The following FAM124A variants were observed in gnomAD, a reference collection of about 807,000 sequenced individuals.
The protein encoded by FAM124A is family with sequence similarity 124 member A.
In FAM124A, 23 loss-of-function variants were observed where a neutral mutation model predicts 24.5. The observed-to-expected ratio is 0.94, with a 90% CI of 0.68 to 1.33. The LOEUF (loss-of-function observed/expected upper bound fraction) is 1.33. Among genes scored for constraint, FAM124A ranks in the 40% most tolerant of loss-of-function variants. FAM124A has a pLI of 0.00. For missense variants in FAM124A, 623 were observed against 722.8 expected (o/e 0.86, Z 1.58); for synonymous variants, 287 against 314.7 (o/e 0.91, Z 0.93).
intron 2 of FAM124A, among the ~76,000 whole-genome samples, chr13:51,236,130 A>G (rs1009941928): frequency 5.3e-5 from 8 of 152,196 alleles, no homozygotes; most frequent in Non-Finnish European, 7.3e-5. Flanking sequence ...AGCAGCCCCA[A>G]CTAGGCACAG....
chr13:51,256,244 A>C (rs944652545), intron 3 of FAM124A, among the ~76,000 whole-genome samples: 2 of 152,204 alleles, frequency 1.3e-5, no homozygotes, highest in Admixed American at 1.3e-4. Context: ...TTTAGGCTGG[A>C]AAATTGTGAG....
At chr13:51,229,265 T>C (rs1393770677) in intron 1 of FAM124A, among the ~76,000 whole-genome samples, 1 of 152,182 alleles carries the variant, frequency 6.6e-6, no homozygotes, top group Non-Finnish European at 1.5e-5. Context: ...AGAGACATGA[T>C]CAGATTTATC....
rs77586000 is a variant in FAM124A at position 51,249,239 on chromosome 13, C to G, written c.101-2229C>G. Reference sequence around the variant, plus strand: ...TTCATTTGGTGCCTCCTCCAGGAAGCCTTCTGCAGAGCCCTCCTTCTTTTG... The same window carrying G: ...TTCATTTGGTGCCTCCTCCAGGAAGGCTTCTGCAGAGCCCTCCTTCTTTTG... On this transcript the variant is annotated intron_variant, in intron 2 of 3. Coordinates refer to ENST00000322475, the MANE Select transcript of FAM124A (RefSeq NM_001242312.2). Among the ~76,000 whole-genome samples, 583 of 152,314 alleles carry G rather than the reference C, an allele frequency of 3.8e-3. 2 individuals are homozygous for G. The highest frequency in any genetic ancestry group is 0.013 in the African/African-American group (558 of 41,566).
chr13:51,230,484 G>A (rs1954362913), intron 1 of FAM124A, among the ~76,000 whole-genome samples: 2 of 152,176 alleles, frequency 1.3e-5, no homozygotes, highest in South Asian at 4.1e-4. Context: ...TAACTTCCAT[G>A]GCAGAATAAA....
chr13:51,236,115 C>G (rs900010759), intron 2 of FAM124A, among the ~76,000 whole-genome samples: 2 of 152,188 alleles, frequency 1.3e-5, no homozygotes. Context: ...CTGAACTGCC[C>G]TCGAAGCAGC....
chr13:51,226,179 A>G (rs1954314588), intron 1 of FAM124A, among the ~76,000 whole-genome samples: 1 of 150,426 alleles, frequency 6.6e-6, no homozygotes, highest in Admixed American at 6.6e-5. Context: ...TTTTATTTTT[A>G]TAAACACAAG....
Position 51,280,918 on chromosome 13 carries a change from A to C in FAM124A, c.1303A>C (p.Ser435Arg). ...LSVVSAYSAP[S>R]RFCSTVETPL... is the part of the protein sequence containing the mutation. ...TGTGGTCTCTGCATATTCTGCACCC[A>C]GTAGGTTCTGCAGCACAGTGGAGAC... The change falls in exon 4 of 4, where the codon AGT becomes CGT. Residue 435 changes from serine to arginine, a missense_variant. Ser to Arg is a moderately radical substitution (Grantham distance 110, BLOSUM62 -1). Transcript: ENST00000322475. The C allele has an allele frequency of 6.2e-7, 1 of 1,614,098 alleles. No homozygotes were observed. Among genetic ancestry groups the C allele is most frequent in the Non-Finnish European group, 8.5e-7 (1 of 1,179,994 alleles).
At chr13:51,243,803 T>C (rs1954527827) in intron 2 of FAM124A, among the ~76,000 whole-genome samples, 1 of 152,200 alleles carries the variant, frequency 6.6e-6, no homozygotes, top group Admixed American at 6.5e-5. Context: ...CCGAAAATGC[T>C]GGGATTACAG....
At chr13:51,277,786 C>G (rs185627107) in intron 3 of FAM124A, among the ~76,000 whole-genome samples, 1 of 104,036 alleles carries the variant, frequency 9.6e-6, no homozygotes, top group East Asian at 2.8e-4. Context: ...GAGCGAGACT[C>G]TGTCTCAAAA....
chr13:51,223,445 T>C lies in FAM124A; in HGVS notation c.68+876T>C, dbSNP rs530536186. ...CAGGAGGAAAGGGTGTTTTTTCCTA[T>C]CTGGAGTAATCCTGGGGGAGGGCGG... On this transcript the variant is annotated intron_variant, in intron 1 of 3. Coordinates refer to ENST00000322475, the MANE Select transcript of FAM124A (RefSeq NM_001242312.2). 4.6e-5 allele frequency among the ~76,000 whole-genome samples: 7 copies of C among 152,240 alleles called. No individual in the cohort carries two copies. In the South Asian group the frequency reaches 1.5e-3, roughly 32 times the overall value.
chr13:51,276,633 T>C (rs1431098903), intron 3 of FAM124A, among the ~76,000 whole-genome samples: 1 of 152,164 alleles, frequency 6.6e-6, no homozygotes, highest in African/African-American at 2.4e-5. Context: ...GCTTTGCCCA[T>C]GGCCAGCATC....
intron 2 of FAM124A, among the ~76,000 whole-genome samples, chr13:51,242,614 C>G (rs1002028448): frequency 3.9e-5 from 6 of 152,050 alleles, no homozygotes; most frequent in Non-Finnish European, 5.9e-5. Context: ...GCTTTTGCTC[C>G]CCCTCCTTTT....
rs768031214 is a variant in FAM124A at position 51,280,414 on chromosome 13, A to G, written c.835-36A>G. On this transcript the variant is annotated intron_variant, in intron 3 of 3. Transcript: ENST00000322475. ...TTTCCTGATGCATTTAACAATTCCC[A>G]TCCTGCACTAATGTGATCTGCCTCT... 9 of 1,518,712 alleles carry G rather than the reference A, an allele frequency of 5.9e-6. No individual in the cohort carries two copies. In the Admixed American group the frequency reaches 8.2e-5, roughly 14 times the overall value. The allele number at this position is 1,518,712 out of a possible 1,614,324, so 94.1% of individuals were successfully genotyped here.
chr13:51,254,770 AT>A (rs1954658669), intron 3 of FAM124A, among the ~76,000 whole-genome samples: 1 of 152,180 alleles, frequency 6.6e-6, no homozygotes, highest in Non-Finnish European at 1.5e-5. Context: ...ATCTTTCCGG[AT>A]CCCCCATAGA....
chr13:51,242,955 C>T (rs1054098659), intron 2 of FAM124A, among the ~76,000 whole-genome samples: 29 of 152,182 alleles, frequency 1.9e-4, no homozygotes, highest in Non-Finnish European at 5.9e-5. Flanking sequence ...TATTGTACTC[C>T]TCTGCCAAAT....
At position 51,251,884 on chromosome 13, in the gene FAM124A, C is replaced by A. The variant is rs541072385; in HGVS notation, c.517C>A (p.Arg173Ser). The change falls in exon 3 of 4, where the codon CGC (arginine) becomes AGC (serine). Residue 173 changes from arginine (R) to serine (S), a missense_variant. Physicochemically the swap from Arg to Ser is moderately radical, Grantham distance 110. Transcript: ENST00000322475. This position sits in a 1 kb window ranked among gnomAD's most constrained non-coding sequence, Gnocchi z 5.3. ...RPVHYGKEIV[R>S]FTVYCRYDNY... The stretch of plus-strand genomic sequence containing the variant: ...CGTGCACTACGGCAAGGAAATCGTG[C>A]GCTTCACCGTCTACTGTCGCTACGA... 3 of 1,613,978 alleles carry A rather than the reference C, an allele frequency of 1.9e-6. No individual in the cohort carries two copies. In the East Asian group the frequency reaches 6.7e-5, roughly 36 times the overall value.
rs1954700792 is a variant in FAM124A at position 51,258,751 on chromosome 13, G to A, written c.834+6550G>A. Among the ~76,000 whole-genome samples, 1 of 152,234 alleles carries A rather than the reference G, an allele frequency of 6.6e-6. No individual in the cohort carries two copies. The highest frequency in any genetic ancestry group is 1.5e-5 in the Non-Finnish European group (1 of 68,036). On this transcript the variant is annotated intron_variant, in intron 3 of 3. Coordinates refer to ENST00000322475, the MANE Select transcript of FAM124A (RefSeq NM_001242312.2). This position sits in a 1 kb window ranked among gnomAD's most constrained non-coding sequence, Gnocchi z 4.2. The stretch of plus-strand genomic sequence containing the variant: ...TTAGGATGGTAATTCTTCCCTAGCA[G>A]AGTCACTGAGACCTGTGGGAAGAAT...
Position 51,251,581 on chromosome 13 carries a change from A to G in FAM124A, c.214A>G (p.Ile72Val), listed in dbSNP as rs761305341. The change falls in exon 3 of 4, where the codon ATC becomes GTC. Residue 72 changes from isoleucine to valine, a missense_variant. Ile to Val is a conservative substitution (Grantham distance 29). Transcript: ENST00000322475. This position sits in a 1 kb window ranked among gnomAD's most constrained non-coding sequence, Gnocchi z 5.3. ...QEAIDNVLAW[I>V]HPDLPLFRVS... is the part of the protein sequence containing the mutation. ...GGCCATCGACAACGTCCTGGCGTGGATCCACCCCGACCTCCCGCTGTTCCG... is the reference window on the plus strand; with the variant it reads ...GGCCATCGACAACGTCCTGGCGTGGGTCCACCCCGACCTCCCGCTGTTCCG... The G allele has an allele frequency of 5.1e-6, 8 of 1,559,154 alleles. No individual in the cohort carries two copies. The African/African-American group carries it at 1.1e-4, about 21-fold the overall frequency.
intron 2 of FAM124A, among the ~76,000 whole-genome samples, chr13:51,235,616 T>C (rs1954427807): frequency 6.6e-6 from 1 of 152,250 alleles, no homozygotes; most frequent in South Asian, 2.1e-4. Context: ...TTTGAGGCTG[T>C]TCTGAAGGAA....
Sources: gnomAD v4.1 joint callset for allele counts (sites outside exome capture counted in the v4.1 genomes callset) on GRCh38, gnomAD v4.1.1 for gene constraint, Gnocchi (gnomAD v3.1) non-coding constraint, MANE v1.5 for transcripts, NCBI Gene and HGNC (gene_info 2026-07-23, HGNC 2026-07-21) for gene names.